Variants in NRXN1 observed in about 807,000 individuals in gnomAD.
NRXN1 encodes the protein neurexin-1.
A neutral mutation model predicts 150.9 loss-of-function variants in NRXN1; 39 were observed. The ratio of observed to expected loss-of-function variants is 0.26; its 90% CI spans 0.20 to 0.34. The LOEUF is 0.34. Ranked by LOEUF, NRXN1 falls within the 10% of genes least tolerant of loss-of-function variation. The pLI is 1.00. For synonymous variants in NRXN1, 924 were observed against 757.0 expected (o/e 1.22, Z -3.62); for missense variants, 1,815 against 1,949.9 (o/e 0.93, Z 1.30).
intron 15 of NRXN1, among the ~76,000 whole-genome samples, chr2:50,495,487 G>A (rs533523090): frequency 3.9e-4 from 59 of 151,576 alleles, no homozygotes; most frequent in Non-Finnish European, 7.2e-4. Context: ...ACTCCTGTTG[G>A]TCAGGGACTT....
At chr2:50,888,749 C>A (rs1480740600) in intron 5 of NRXN1, among the ~76,000 whole-genome samples, 2 of 151,622 alleles carry the variant, frequency 1.3e-5, no homozygotes, top group Non-Finnish European at 3.0e-5. Context: ...AAAATCAGAA[C>A]AATAATGCAG....
intron 18 of NRXN1, among the ~76,000 whole-genome samples, chr2:50,158,480 GA>G (rs975588927): frequency 2.6e-5 from 4 of 151,512 alleles, no homozygotes; most frequent in African/African-American, 9.7e-5. Flanking sequence ...ACTGGAAAAG[GA>G]AAAAAAGGGT....
At chr2:50,041,985 T>A (rs534333435) in intron 21 of NRXN1, among the ~76,000 whole-genome samples, 18 of 152,312 alleles carry the variant, frequency 1.2e-4, no homozygotes, top group African/African-American at 3.4e-4. Flanking sequence ...CCTAGTCTTA[T>A]GAGAAGAATG....
chr2:50,107,451 T>A (rs555557454), intron 18 of NRXN1, among the ~76,000 whole-genome samples: 2 of 150,098 alleles, frequency 1.3e-5, no homozygotes, highest in Non-Finnish European at 3.0e-5. Context: ...ATTACTATTC[T>A]TCCACTTCTT....
At chr2:50,907,108 C>T (rs1683810815) in intron 5 of NRXN1, among the ~76,000 whole-genome samples, 2 of 151,802 alleles carry the variant, frequency 1.3e-5, no homozygotes, top group Admixed American at 1.3e-4. Context: ...TCTCCCTTTT[C>T]CCTTGAAGAC....
chr2:50,384,490 A>C (rs983602130), intron 17 of NRXN1, among the ~76,000 whole-genome samples: 28 of 140,274 alleles, frequency 2.0e-4, no homozygotes, highest in African/African-American at 7.5e-4. Context: ...TGAATGACAG[A>C]GCAAGACTCC....
In NRXN1 at chr2:50,996,403, T is replaced by A. The variant is rs192212456; in HGVS notation, c.772+31099A>T. ...CCCTTGTCAAACAAGCTTTATCATT[T>A]AGAGTAAGCACAAGGCCAGTTTAAA... On this transcript the variant is annotated intron_variant, in intron 2 of 22. Coordinates refer to ENST00000401669, the MANE Select transcript of NRXN1 (RefSeq NM_001330078.2). Among the ~76,000 whole-genome samples the A allele has an allele frequency of 4.6e-3, 696 of 152,198 alleles. 2 individuals are homozygous for A. The highest frequency in any genetic ancestry group is 8.7e-3 in the Non-Finnish European group (594 of 67,994).
intron 5 of NRXN1, among the ~76,000 whole-genome samples, chr2:50,809,233 T>C (rs1164445166): frequency 6.6e-6 from 1 of 152,052 alleles, no homozygotes; most frequent in Admixed American, 6.6e-5. Flanking sequence ...CAAAGGAAAC[T>C]TAAGCATAAG....
intron 17 of NRXN1, among the ~76,000 whole-genome samples, chr2:50,362,293 A>C (rs375352984): frequency 3.9e-5 from 6 of 152,196 alleles, no homozygotes; most frequent in Admixed American, 1.3e-4. Flanking sequence ...TCAAATAGGA[A>C]ATAGGAAGTC....
At chr2:50,610,932 G>A (rs1466346678) in intron 8 of NRXN1, among the ~76,000 whole-genome samples, 2 of 149,718 alleles carry the variant, frequency 1.3e-5, no homozygotes, top group Admixed American at 6.8e-5. Context: ...TTTTAATAGA[G>A]ATGGGATTTC....
At chr2:50,701,184 C>A (rs891396205) in intron 5 of NRXN1, among the ~76,000 whole-genome samples, 4 of 152,070 alleles carry the variant, frequency 2.6e-5, no homozygotes, top group African/African-American at 9.7e-5. Context: ...TTTCTACTAT[C>A]TAATTTTTTA....
At chr2:50,094,721 A>T (rs1186721095) in intron 18 of NRXN1, among the ~76,000 whole-genome samples, 1 of 151,766 alleles carries the variant, frequency 6.6e-6, no homozygotes, top group Non-Finnish European at 1.5e-5. Context: ...TAGCAGGGTT[A>T]CTAAAGGGAT....
intron 22 of NRXN1, among the ~76,000 whole-genome samples, chr2:49,922,539 C>T (rs1212528646): frequency 3.9e-5 from 6 of 152,012 alleles, no homozygotes; most frequent in Non-Finnish European, 8.8e-5. Context: ...CTCTAAAGGG[C>T]CATGTGGGTG....
In NRXN1 at chr2:50,950,999, A is replaced by C. The variant is rs748416941; in HGVS notation, c.773-25044T>G. ...TTCATGGAAAATGGCAGTGGACTGA[A>C]ATTTAATCAGGGCCTCTGTTCTGAC... On this transcript the variant is annotated intron_variant, in intron 2 of 22. Coordinates refer to ENST00000401669, the MANE Select transcript of NRXN1 (RefSeq NM_001330078.2). Among the ~76,000 whole-genome samples, 73 of 152,296 alleles carry C rather than the reference A, an allele frequency of 4.8e-4. No homozygotes were observed. The Middle Eastern group carries it at 0.017, about 35-fold the overall frequency.
At chr2:50,198,589 A>G (rs946176909) in intron 18 of NRXN1, among the ~76,000 whole-genome samples, 3 of 152,056 alleles carry the variant, frequency 2.0e-5, no homozygotes, top group Non-Finnish European at 2.9e-5. Flanking sequence ...ATACAATACA[A>G]ATTGTTTTTT....
chr2:50,160,895 T>A (rs1357428374), intron 18 of NRXN1, among the ~76,000 whole-genome samples: 1 of 152,156 alleles, frequency 6.6e-6, no homozygotes. Context: ...CATATCTTTT[T>A]TTTAGAAACC....
intron 5 of NRXN1, among the ~76,000 whole-genome samples, chr2:50,784,877 G>A (rs1404275570): frequency 6.6e-6 from 1 of 152,074 alleles, no homozygotes; most frequent in Non-Finnish European, 1.5e-5. Flanking sequence ...CTCTCCAGGG[G>A]CGTCTGAAAG....
At chr2:50,420,418 C>CAT (rs1553592877) in intron 17 of NRXN1, among the ~76,000 whole-genome samples, 3 of 133,034 alleles carry the variant, frequency 2.3e-5, no homozygotes, top group Non-Finnish European at 3.4e-5. Context: ...CACACACATA[C>CAT]ACACACACAC....
At chr2:51,023,723 T>C (rs1169628691) in intron 2 of NRXN1, among the ~76,000 whole-genome samples, 1 of 152,212 alleles carries the variant, frequency 6.6e-6, no homozygotes, top group Non-Finnish European at 1.5e-5. Context: ...CCTAGTACTC[T>C]GGTACACAAA....
Sources: allele counts gnomAD v4.1 joint callset (sites outside exome capture counted in the v4.1 genomes callset), GRCh38; gene constraint gnomAD v4.1.1; transcripts MANE v1.5; gene names NCBI Gene and HGNC (gene_info 2026-07-23, HGNC 2026-07-21).